ADGRG6: variants seen among roughly 807,000 people sequenced by gnomAD.
ADGRG6 encodes the protein G-protein coupled receptor 126.
A neutral mutation model predicts 142.4 loss-of-function variants in ADGRG6; 84 were observed. The observed-to-expected ratio is 0.59, with a 90% CI of 0.49 to 0.71. The LOEUF (loss-of-function observed/expected upper bound fraction) is 0.71, where lower values mean the gene tolerates loss of function less well. Ranked by LOEUF, ADGRG6 falls within the 30% of genes least tolerant of loss-of-function variation. The pLI is 0.00. For missense variants in ADGRG6, 1,367 were observed against 1,466.6 expected (o/e 0.93, Z 1.11); for synonymous variants, 521 against 520.5 (o/e 1.00, Z -0.01).
intron 6 of ADGRG6, among the ~76,000 whole-genome samples, chr6:142,384,279 A>T (rs890011126): frequency 6.6e-6 from 1 of 152,140 alleles, no homozygotes; most frequent in Non-Finnish European, 1.5e-5. Context: ...AGTGAACTTT[A>T]TGGTCATATA....
intron 2 of ADGRG6, among the ~76,000 whole-genome samples, chr6:142,346,986 G>A (rs1311432517): frequency 6.6e-6 from 1 of 152,002 alleles, no homozygotes; most frequent in East Asian, 1.9e-4. Context: ...TAACAAACCT[G>A]TACCTTCTGC....
chr6:142,309,941 G>T (rs940498323), intron 2 of ADGRG6, among the ~76,000 whole-genome samples: 1 of 151,462 alleles, frequency 6.6e-6, no homozygotes, highest in Non-Finnish European at 1.5e-5. Context: ...TACATAAATC[G>T]CATTTAAAAA....
chr6:142,316,597 T>C (rs193243422), intron 2 of ADGRG6, among the ~76,000 whole-genome samples: 2 of 152,264 alleles, frequency 1.3e-5, no homozygotes, highest in Admixed American at 1.3e-4. Context: ...ATTTATTTGT[T>C]TTATGCCTTA....
chr6:142,356,286 T>A (rs947235764), intron 2 of ADGRG6, among the ~76,000 whole-genome samples: 2 of 152,178 alleles, frequency 1.3e-5, no homozygotes, highest in Non-Finnish European at 1.5e-5. Context: ...TCACAATCTG[T>A]CAAAGCTTGC....
chr6:142,314,971 AGTGTGTGTGTGTGTGTGTGTGT>A (rs58848776), intron 2 of ADGRG6, among the ~76,000 whole-genome samples: 1 of 144,988 alleles, frequency 6.9e-6, no homozygotes, highest in Non-Finnish European at 1.5e-5. Context: ...CCAATCATGG[AGTGTGTGTGTGTGTGTGTGTGT>A]GTGTGTGTGT....
chr6:142,418,040 A>G (rs1468806840), intron 21 of ADGRG6, among the ~76,000 whole-genome samples: 1 of 152,060 alleles, frequency 6.6e-6, no homozygotes, highest in Non-Finnish European at 1.5e-5. Flanking sequence ...TACACCTATA[A>G]TCCCAGCACT....
At chr6:142,432,612 A>T (rs986463506) in intron 22 of ADGRG6, among the ~76,000 whole-genome samples, 4 of 152,166 alleles carry the variant, frequency 2.6e-5, no homozygotes, top group Admixed American at 6.5e-5. Context: ...TACAGACCAC[A>T]ATGGTTACTT....
chr6:142,361,644 G>A (rs1302446603), intron 2 of ADGRG6, among the ~76,000 whole-genome samples: 1 of 152,130 alleles, frequency 6.6e-6, no homozygotes, highest in Non-Finnish European at 1.5e-5. Context: ...TGAGTTCAGA[G>A]GCCTATGGAT....
intron 2 of ADGRG6, among the ~76,000 whole-genome samples, chr6:142,327,148 G>A (rs1303904646): frequency 2.0e-5 from 3 of 151,898 alleles, no homozygotes; most frequent in Non-Finnish European, 4.4e-5. Context: ...AGTTGTCAGT[G>A]GGGTAATATG....
intron 1 of ADGRG6, among the ~76,000 whole-genome samples, chr6:142,304,983 T>C (rs1178051503): frequency 6.6e-6 from 1 of 152,104 alleles, no homozygotes. Flanking sequence ...AAAAAAAAGC[T>C]TCAAGATCCA....
intron 23 of ADGRG6, 43 bp downstream of exon 23, chr6:142,437,578 G>A: frequency 1.1e-5 from 10 of 917,034 alleles, no homozygotes; most frequent in Non-Finnish European, 1.7e-5. Flanking sequence ...AAGTAGATGG[G>A]AAAGTTTGTC....
chr6:142,387,454 C>G (rs1490042600), intron 6 of ADGRG6, among the ~76,000 whole-genome samples: 1 of 152,176 alleles, frequency 6.6e-6, no homozygotes, highest in Non-Finnish European at 1.5e-5. Flanking sequence ...ATCCATTACT[C>G]TAGCTTTTTA....
chr6:142,341,642 A>AC (rs1562324234), intron 2 of ADGRG6, among the ~76,000 whole-genome samples: 6 of 133,056 alleles, frequency 4.5e-5, no homozygotes, highest in African/African-American at 1.7e-4. Flanking sequence ...TATAATATAT[A>AC]TAATATATAC....
intron 2 of ADGRG6, among the ~76,000 whole-genome samples, chr6:142,355,249 A>G (rs1025986595): frequency 2.6e-5 from 4 of 151,850 alleles, no homozygotes; most frequent in African/African-American, 4.8e-5. Context: ...GGACCTCTCT[A>G]TATAATTTCA....
chr6:142,361,380 A>G (rs1312339430), intron 2 of ADGRG6, among the ~76,000 whole-genome samples: 1 of 152,152 alleles, frequency 6.6e-6, no homozygotes, highest in Non-Finnish European at 1.5e-5. Context: ...AAGCTCTCGG[A>G]TGATGCCCAT....
At chr6:142,381,919 CAAACTT>C in intron 4 of ADGRG6, 26 bp from the exon 5 acceptor site, 2 of 1,390,820 alleles carry the variant, frequency 1.4e-6, no homozygotes, top group Non-Finnish European at 2.0e-6. Flanking sequence ...AATCATAAAT[CAAACTT>C]ACATATTCTT....
chr6:142,437,431 C>T lies in ADGRG6; in HGVS notation c.3320-3C>T. The T allele has an allele frequency of 7.2e-7, 1 of 1,388,986 alleles. No individual in the cohort carries two copies. The allele number at this position is 1,388,986 out of a possible 1,614,324, so 86.0% of individuals were successfully genotyped here. On this transcript the variant is annotated splice_region_variant and splice_polypyrimidine_tract_variant and intron_variant, in intron 22 of 24. Transcript: ENST00000367609. ...TAAATATTTATATTTTCTTTTGTCA[C>T]AGGCTTATTTATATTCATCTTCCAC...
chr6:142,384,327 G>C (rs1273906507), intron 6 of ADGRG6, among the ~76,000 whole-genome samples: 1 of 151,944 alleles, frequency 6.6e-6, no homozygotes, highest in East Asian at 1.9e-4. Context: ...GTAATACTTT[G>C]CTTTCTGTTT....
intron 3 of ADGRG6, among the ~76,000 whole-genome samples, chr6:142,369,534 ACTC>A (rs1424795509): frequency 2.6e-5 from 4 of 152,002 alleles, no homozygotes; most frequent in African/African-American, 7.2e-5. Flanking sequence ...GCCCTTTACT[ACTC>A]AAAAACTGGC....
Sources: allele counts gnomAD v4.1 joint callset (sites outside exome capture counted in the v4.1 genomes callset), GRCh38; gene constraint gnomAD v4.1.1; transcripts MANE v1.5; gene names NCBI Gene and HGNC (gene_info 2026-07-23, HGNC 2026-07-21).